FOXP1: variants seen among roughly 807,000 people sequenced by gnomAD.
The protein encoded by FOXP1 is forkhead box P1, also known as forkhead box protein P1.
Under a neutral mutation model 98.2 loss-of-function variants are expected in FOXP1, and 15 were observed. That is an observed-to-expected ratio of 0.15 (90% confidence interval 0.10 to 0.24). The LOEUF (loss-of-function observed/expected upper bound fraction) is 0.24, where lower values mean the gene tolerates loss of function less well. Ranked by LOEUF, FOXP1 falls within the 10% of genes least tolerant of loss-of-function variation. FOXP1 has a pLI of 1.00. For missense variants in FOXP1, 633 were observed against 848.5 expected, an observed-to-expected ratio of 0.75 and a Z score of 3.15; for synonymous variants, 371 against 314.5, an observed-to-expected ratio of 1.18 and a Z score of -1.90.
chr3:71,462,766 C>A (rs2088273704), intron 3 of FOXP1, among the ~76,000 whole-genome samples: 1 of 152,192 alleles, frequency 6.6e-6, no homozygotes, highest in Non-Finnish European at 1.5e-5. Flanking sequence ...CCACCGCCTT[C>A]AACATGTTTT....
chr3:71,434,658 G>GTGTC (rs2085058336), intron 3 of FOXP1, among the ~76,000 whole-genome samples: 1 of 151,852 alleles, frequency 6.6e-6, no homozygotes, highest in Non-Finnish European at 1.5e-5. Flanking sequence ...GTGTGTGTGT[G>GTGTC]TGTGTGTAAG....
intron 5 of FOXP1, among the ~76,000 whole-genome samples, chr3:71,236,539 CAT>C (rs1336803857): frequency 2.0e-5 from 3 of 152,180 alleles, no homozygotes; most frequent in Non-Finnish European, 4.4e-5. Context: ...AGGCAAGCCA[CAT>C]GTGTAATTTT....
At chr3:71,098,889 G>A (rs2056714082) in intron 7 of FOXP1, among the ~76,000 whole-genome samples, 1 of 152,184 alleles carries the variant, frequency 6.6e-6, no homozygotes, top group South Asian at 2.1e-4. Context: ...GAAAAACACT[G>A]TGCAATCAAA....
intron 7 of FOXP1, among the ~76,000 whole-genome samples, chr3:71,105,362 A>C (rs992001042): frequency 6.6e-6 from 1 of 152,184 alleles, no homozygotes; most frequent in African/African-American, 2.4e-5. Context: ...GATGACAAGA[A>C]AGTGATCCAT....
At chr3:71,191,785 T>C (rs115481510) in intron 6 of FOXP1, among the ~76,000 whole-genome samples, 1,859 of 152,320 alleles carry the variant, frequency 0.012, 30 homozygotes, top group African/African-American at 0.041. Context: ...TGCTTTTTCT[T>C]TATTTGTCAG....
chr3:71,458,907 C>A (rs539988385), intron 3 of FOXP1, among the ~76,000 whole-genome samples: 103 of 152,282 alleles, frequency 6.8e-4, no homozygotes, highest in African/African-American at 2.2e-3. Context: ...CTTGTCCATT[C>A]CAATAGGAAA....
chr3:71,213,694 T>C (rs1250804910), intron 5 of FOXP1, among the ~76,000 whole-genome samples: 1 of 152,120 alleles, frequency 6.6e-6, no homozygotes, highest in African/African-American at 2.4e-5. Context: ...TGGGTGCCTG[T>C]AGTCCCAGCT....
intron 3 of FOXP1, among the ~76,000 whole-genome samples, chr3:71,413,921 T>G (rs188046685): frequency 6.6e-6 from 1 of 152,038 alleles, no homozygotes; most frequent in East Asian, 1.9e-4. Context: ...GTGAAATAAA[T>G]AGACATGGAA....
chr3:71,127,156 T>C (rs921032933), intron 6 of FOXP1, among the ~76,000 whole-genome samples: 1 of 152,166 alleles, frequency 6.6e-6, no homozygotes, highest in Non-Finnish European at 1.5e-5. Flanking sequence ...ACTTGTCTAA[T>C]TTTTACACTG....
chr3:71,105,232 T>A (rs1441832553), intron 7 of FOXP1, among the ~76,000 whole-genome samples: 1 of 152,178 alleles, frequency 6.6e-6, no homozygotes, highest in Non-Finnish European at 1.5e-5. Context: ...CCTCTTTCCC[T>A]GAAGCACAAG....
chr3:71,497,456 A>G (rs910004483), intron 2 of FOXP1, among the ~76,000 whole-genome samples: 1 of 152,204 alleles, frequency 6.6e-6, no homozygotes, highest in African/African-American at 2.4e-5. Flanking sequence ...TTTTTTTAAA[A>G]TGTAGCAGTA....
At chr3:71,045,089 C>A (rs183980709) in intron 10 of FOXP1, among the ~76,000 whole-genome samples, 1 of 152,274 alleles carries the variant, frequency 6.6e-6, no homozygotes, top group East Asian at 1.9e-4. Flanking sequence ...CACTTTACTG[C>A]AAGAACCTGA....
chr3:71,473,476 G>A (rs1416870031), intron 3 of FOXP1, among the ~76,000 whole-genome samples: 1 of 152,080 alleles, frequency 6.6e-6, no homozygotes. Flanking sequence ...TCTAAGCATT[G>A]TCAAAATATT....
intron 3 of FOXP1, among the ~76,000 whole-genome samples, chr3:71,409,019 A>G (rs191782460): frequency 1.8e-4 from 28 of 152,328 alleles, no homozygotes; most frequent in Admixed American, 9.1e-4. Flanking sequence ...ATAATAGTCC[A>G]ATCAGGAAGG....
At chr3:71,007,332 G>C (rs937078778) in intron 12 of FOXP1, among the ~76,000 whole-genome samples, 1 of 152,132 alleles carries the variant, frequency 6.6e-6, no homozygotes, top group South Asian at 2.1e-4. Context: ...ATTATAGACA[G>C]CTATTCCCTC....
At chr3:71,318,705 TG>T (rs1262653373) in intron 4 of FOXP1, among the ~76,000 whole-genome samples, 1 of 152,246 alleles carries the variant, frequency 6.6e-6, no homozygotes, top group East Asian at 1.9e-4. Context: ...CTCTGTCATG[TG>T]TTGCTTGTAA....
At chr3:71,204,191 G>A (rs1296960317) in intron 5 of FOXP1, among the ~76,000 whole-genome samples, 4 of 152,062 alleles carry the variant, frequency 2.6e-5, no homozygotes, top group African/African-American at 4.8e-5. Flanking sequence ...TTCAATAATC[G>A]TGTTCATGCC....
intron 5 of FOXP1, among the ~76,000 whole-genome samples, chr3:71,278,525 G>A (rs2071163781): frequency 6.6e-6 from 1 of 152,224 alleles, no homozygotes; most frequent in African/African-American, 2.4e-5. Context: ...GCTCACACCT[G>A]TAATCCCAGC....
intron 3 of FOXP1, among the ~76,000 whole-genome samples, chr3:71,465,372 A>T (rs2088601574): frequency 2.0e-5 from 3 of 151,964 alleles, no homozygotes. Context: ...TAGAATTGTC[A>T]TCTTCTTCAT....
Sources: allele counts gnomAD v4.1 joint callset (sites outside exome capture counted in the v4.1 genomes callset), GRCh38; gene constraint gnomAD v4.1.1; transcripts MANE v1.5; gene names NCBI Gene and HGNC (gene_info 2026-07-23, HGNC 2026-07-21).